The following DOCK10 variants were observed in gnomAD, a reference collection of about 807,000 sequenced individuals.
DOCK10 encodes dedicator of cytokinesis 10, also known as dedicator of cytokinesis protein 10.
A neutral mutation model predicts 280.1 loss-of-function variants in DOCK10; 145 were observed. The observed-to-expected ratio is 0.52, with a 90% CI of 0.45 to 0.59. DOCK10 has a LOEUF of 0.59. Ranked by LOEUF, DOCK10 falls within the 20% of genes least tolerant of loss-of-function variation. DOCK10 has a pLI of 0.00. For synonymous variants in DOCK10, 915 were observed against 942.2 expected (o/e 0.97, Z 0.53); for missense variants, 2,368 against 2,651.7 (o/e 0.89, Z 2.35).
chr2:224,916,799 G>A lies in DOCK10; in HGVS notation c.244-15C>T, dbSNP rs1384599390. 6.3e-7 allele frequency: 1 copy of A among 1,598,602 alleles called. No individual in the cohort carries two copies. On this transcript the variant is annotated splice_polypyrimidine_tract_variant and intron_variant, in intron 2 of 55. Coordinates refer to ENST00000258390, the MANE Select transcript of DOCK10 (RefSeq NM_014689.3). ...ACTGTGGCTGCCTGAAACGAACAAT[G>A]AAAAGAAATTGAGTCCTCCGGCTTA...
intron 7 of DOCK10, among the ~76,000 whole-genome samples, chr2:224,880,212 C>A (rs1698902209): frequency 6.6e-6 from 1 of 152,030 alleles, no homozygotes; most frequent in South Asian, 2.1e-4. Flanking sequence ...AATCTTGTTT[C>A]TCAAAAAGGG....
chr2:225,042,422 G>C lies in DOCK10; in HGVS notation c.-48C>G. On this transcript the variant is annotated 5_prime_UTR_variant, in exon 1 of 56. Coordinates refer to ENST00000258390, the MANE Select transcript of DOCK10 (RefSeq NM_014689.3). The surrounding 1 kb of genome is among the most constrained non-coding windows in gnomAD (Gnocchi z 5.1). ...GCGGGCCCGGGGCGCGCCTCCCGCC[G>C]GTCTTCCCCGCGCCAACCTTCTCTA... 49 of 1,228,956 alleles carry C rather than the reference G, an allele frequency of 4.0e-5. No individual in the cohort carries two copies. The highest frequency in any genetic ancestry group is 5.0e-5 in the Non-Finnish European group (49 of 983,884). The allele number at this position is 1,228,956 out of a possible 1,614,324, so 76.1% of individuals were successfully genotyped here. A position where few individuals can be genotyped will look rare whatever the true frequency, so the allele number is the denominator to read the frequency against.
chr2:224,886,893 C>CCCCGCA (rs550630549), intron 4 of DOCK10, among the ~76,000 whole-genome samples: 1 of 149,400 alleles, frequency 6.7e-6, no homozygotes, highest in African/African-American at 2.5e-5. Context: ...CCAACACCCC[C>CCCCGCA]CCAAGTAGTA....
At chr2:224,789,930 G>A (rs1240119004) in intron 47 of DOCK10, among the ~76,000 whole-genome samples, 5 of 151,980 alleles carry the variant, frequency 3.3e-5, no homozygotes, top group African/African-American at 7.2e-5. Context: ...ACAGGTGCCC[G>A]CCACCACGCC....
chr2:224,926,112 A>G (rs972947801), intron 2 of DOCK10, among the ~76,000 whole-genome samples: 37 of 152,232 alleles, frequency 2.4e-4, no homozygotes, highest in Non-Finnish European at 4.4e-5. Context: ...AAATACATCA[A>G]TACTGCTTAT....
intron 1 of DOCK10, among the ~76,000 whole-genome samples, chr2:224,961,486 C>CTTTCTTTCTT (rs1704444117): frequency 2.5e-5 from 2 of 80,838 alleles, no homozygotes; most frequent in African/African-American, 1.1e-4. Context: ...CTTTCTTTCT[C>CTTTCTTTCTT]TTTCTTTCCT....
intron 1 of DOCK10, among the ~76,000 whole-genome samples, chr2:225,040,969 T>A (rs1690404804): frequency 1.3e-5 from 2 of 152,128 alleles, no homozygotes; most frequent in South Asian, 4.1e-4. Flanking sequence ...CACCTCTGGG[T>A]AACTGCGGAC....
intron 3 of DOCK10, among the ~76,000 whole-genome samples, chr2:224,902,398 T>C (rs571116999): frequency 6.6e-6 from 1 of 152,202 alleles, no homozygotes; most frequent in Non-Finnish European, 1.5e-5. Context: ...CCACTGGAAA[T>C]AATTCTGTAT....
chr2:224,848,208 C>T (rs1338803760), intron 19 of DOCK10, among the ~76,000 whole-genome samples: 2 of 152,114 alleles, frequency 1.3e-5, no homozygotes, highest in Non-Finnish European at 2.9e-5. Context: ...CTTCGTACCA[C>T]CAAAACAGCA....
At chr2:224,968,981 T>C (rs1704928732) in intron 1 of DOCK10, among the ~76,000 whole-genome samples, 1 of 152,148 alleles carries the variant, frequency 6.6e-6, no homozygotes, top group Admixed American at 6.5e-5. Flanking sequence ...GTGAACTCAA[T>C]GTAGGGCTTG....
At chr2:224,864,840 C>G in intron 12 of DOCK10, 26 bp downstream of exon 12, 5 of 1,612,618 alleles carry the variant, frequency 3.1e-6, no homozygotes, top group Non-Finnish European at 4.2e-6. Flanking sequence ...CATTTTCCAT[C>G]TCATCACAAG....
At position 225,018,754 on chromosome 2, in the gene DOCK10, C is replaced by CACAT. The variant is rs1553633171; in HGVS notation, c.123+23497_123+23498insATGT. Among the ~76,000 whole-genome samples, 2 of 76,474 alleles carry CACAT rather than the reference C, an allele frequency of 2.6e-5. 1 individual carries two copies. Among genetic ancestry groups the CACAT allele is most frequent in the Non-Finnish European group, 6.1e-5 (2 of 32,660 alleles). The allele number at this position is 76,474 out of a possible 152,430, so 50.2% of individuals were successfully genotyped here. ...GTAAATATATATATATACACATACA[C>CACAT]ATATGTGTATATGTACATATATACA... On this transcript the variant is annotated intron_variant, in intron 1 of 55. Coordinates refer to ENST00000258390, the MANE Select transcript of DOCK10 (RefSeq NM_014689.3).
At chr2:224,829,604 G>A (rs1296667384) in intron 27 of DOCK10, among the ~76,000 whole-genome samples, 1 of 152,118 alleles carries the variant, frequency 6.6e-6, no homozygotes, top group Non-Finnish European at 1.5e-5. Flanking sequence ...CTACCTGGCT[G>A]CTTCTTGGTC....
At chr2:224,960,973 C>T (rs935500102) in intron 1 of DOCK10, among the ~76,000 whole-genome samples, 1 of 152,042 alleles carries the variant, frequency 6.6e-6, no homozygotes, top group African/African-American at 2.4e-5. Flanking sequence ...CTCCTGACCT[C>T]GTGATCCGCC....
At chr2:224,798,143 TG>T (rs1257712276) in intron 41 of DOCK10, among the ~76,000 whole-genome samples, 174 bp from the exon 42 acceptor site, 1 of 152,178 alleles carries the variant, frequency 6.6e-6, no homozygotes, top group Admixed American at 6.5e-5. Context: ...TAGCAGTGAT[TG>T]AAAAAAACAT....
At chr2:224,856,739 G>T in intron 15 of DOCK10, 121 bp downstream of exon 15, 1 of 952,372 alleles carries the variant, frequency 1.1e-6, no homozygotes. Flanking sequence ...GAAGTCACCT[G>T]AAAAATATCT....
chr2:224,824,985 T>C (rs1228655289), intron 27 of DOCK10, among the ~76,000 whole-genome samples: 2 of 150,716 alleles, frequency 1.3e-5, no homozygotes, highest in African/African-American at 4.9e-5. Context: ...TCTATTTTTT[T>C]TTTTTTTTTT....
intron 39 of DOCK10, among the ~76,000 whole-genome samples, chr2:224,802,873 TTC>T (rs893888540): frequency 6.6e-6 from 1 of 152,180 alleles, no homozygotes; most frequent in Non-Finnish European, 1.5e-5. Flanking sequence ...GGCAGTGGTC[TTC>T]TCTTTCTCCC....
intron 3 of DOCK10, among the ~76,000 whole-genome samples, chr2:224,902,135 A>G (rs1700335101): frequency 1.3e-5 from 2 of 152,236 alleles, no homozygotes; most frequent in Non-Finnish European, 1.5e-5. Flanking sequence ...TCTGCTCCAG[A>G]TAATCATTAG....
Sources: gnomAD v4.1 joint callset for allele counts (sites outside exome capture counted in the v4.1 genomes callset) on GRCh38, gnomAD v4.1.1 for gene constraint, Gnocchi (gnomAD v3.1) non-coding constraint, MANE v1.5 for transcripts, NCBI Gene and HGNC (gene_info 2026-07-23, HGNC 2026-07-21) for gene names.